The following TENM4 variants were observed in gnomAD, a reference collection of about 807,000 sequenced individuals.
TENM4 encodes teneurin transmembrane protein 4, also known as teneurin-4.
In TENM4, 82 loss-of-function variants were observed where a neutral mutation model predicts 243.3. The observed-to-expected ratio is 0.34, with a 90% CI of 0.28 to 0.40. TENM4 has a LOEUF of 0.40. Among genes scored for constraint, TENM4 ranks in the 10% least tolerant of loss-of-function variants. The pLI, the probability that TENM4 is intolerant of heterozygous loss-of-function variation, is 1.00. For synonymous variants in TENM4, 1,412 were observed against 1,456.3 expected (o/e 0.97, Z 0.69); for missense variants, 3,138 against 3,673.3 (o/e 0.85, Z 3.77).
At chr11:79,286,828 T>C (rs796445832) in intron 2 of TENM4, among the ~76,000 whole-genome samples, 75 of 152,320 alleles carry the variant, frequency 4.9e-4, no homozygotes, top group African/African-American at 1.6e-3. Context: ...TATTACATAA[T>C]TGGGAAATAG....
At chr11:78,983,894 C>A (rs113444091) in intron 6 of TENM4, among the ~76,000 whole-genome samples, 7 of 152,326 alleles carry the variant, frequency 4.6e-5, no homozygotes, top group African/African-American at 1.7e-4. Context: ...GAGCAAATCA[C>A]TAACCCAAAC....
intron 4 of TENM4, among the ~76,000 whole-genome samples, chr11:79,109,984 T>G (rs1302643642): frequency 1.3e-5 from 2 of 152,224 alleles, no homozygotes; most frequent in Non-Finnish European, 2.9e-5. Context: ...TTCCTTTACT[T>G]TCTATCCACC....
chr11:79,269,432 GCCTT>G lies in TENM4; in HGVS notation c.-265+28052_-265+28055del, dbSNP rs943075096. On this transcript the variant is annotated intron_variant, in intron 2 of 33. Transcript: ENST00000278550. ...TGAAGAGAATAAAAACAAAAATAAA[GCCTT>G]CCTACAGACTGTCTCCCAGGGGCTT... 6.3e-4 allele frequency among the ~76,000 whole-genome samples: 96 copies of G among 152,258 alleles called. 2 individuals carry two copies. The highest frequency in any genetic ancestry group is 2.2e-3 in the African/African-American group (93 of 41,560).
chr11:78,976,698 T>C (rs760309102), intron 6 of TENM4, among the ~76,000 whole-genome samples: 15 of 152,178 alleles, frequency 9.9e-5, no homozygotes, highest in African/African-American at 1.4e-4. Context: ...AGTGGACATG[T>C]AGAGAAATGG....
At chr11:79,035,062 T>C (rs1252032668) in intron 6 of TENM4, among the ~76,000 whole-genome samples, 1 of 152,142 alleles carries the variant, frequency 6.6e-6, no homozygotes, top group African/African-American at 2.4e-5. Flanking sequence ...GGCCTTTGAG[T>C]TGGCCTAAAC....
intron 5 of TENM4, among the ~76,000 whole-genome samples, chr11:79,066,827 G>T (rs1310506353): frequency 6.6e-6 from 1 of 152,186 alleles, no homozygotes; most frequent in Non-Finnish European, 1.5e-5. Context: ...ACAAGGAAGC[G>T]GGGAGGAGAG....
At chr11:78,727,324 G>A (rs1191863074) in intron 22 of TENM4, among the ~76,000 whole-genome samples, 1 of 151,886 alleles carries the variant, frequency 6.6e-6, no homozygotes, top group South Asian at 2.1e-4. Context: ...GTGGGCGCCT[G>A]TAGTCCCAGC....
intron 28 of TENM4, among the ~76,000 whole-genome samples, chr11:78,699,130 TAAC>T (rs35532822): frequency 0.063 from 9,493 of 151,838 alleles, 715 homozygotes; most frequent in African/African-American, 0.18. Context: ...TTGCTTGCAT[TAAC>T]AACAACAACA....
chr11:79,424,066 C>G (rs550763605), intron 1 of TENM4, among the ~76,000 whole-genome samples: 28 of 152,312 alleles, frequency 1.8e-4, no homozygotes, highest in African/African-American at 4.8e-4. Context: ...AAAGATGGAA[C>G]TAATACCAAG....
At chr11:79,255,434 A>AT (rs1403075775) in intron 2 of TENM4, among the ~76,000 whole-genome samples, 1 of 152,214 alleles carries the variant, frequency 6.6e-6, no homozygotes, top group Non-Finnish European at 1.5e-5. Context: ...GGCAGAAGAT[A>AT]TTTATACATG....
chr11:79,217,293 C>G (rs199928121), intron 2 of TENM4, among the ~76,000 whole-genome samples: 1 of 152,134 alleles, frequency 6.6e-6, no homozygotes, highest in Non-Finnish European at 1.5e-5. Flanking sequence ...GGTCCCTGTA[C>G]TTTTCCTGCC....
rs117534972 is a variant in TENM4 at position 79,363,005 on chromosome 11, C to T, written c.-320-65462G>A. Among the ~76,000 whole-genome samples the T allele has an allele frequency of 5.5e-3, 832 of 152,256 alleles. 4 individuals carry two copies. The highest frequency in any genetic ancestry group is 8.8e-3 in the Non-Finnish European group (598 of 68,024). On this transcript the variant is annotated intron_variant, in intron 1 of 33. Transcript: ENST00000278550. ...ATTGCCTGACTGGCGATTAGTCTGA[C>T]GTGGATGACAAGCAGATCATTGGAC...
intron 1 of TENM4, among the ~76,000 whole-genome samples, chr11:79,346,526 TACAC>T (rs1356668646): frequency 2.0e-5 from 3 of 152,116 alleles, no homozygotes; most frequent in African/African-American, 7.2e-5. Context: ...TCCCACCACA[TACAC>T]ACGCTTATTC....
At chr11:79,150,843 C>T (rs558083839) in intron 3 of TENM4, among the ~76,000 whole-genome samples, 3 of 152,256 alleles carry the variant, frequency 2.0e-5, no homozygotes, top group South Asian at 2.1e-4. Flanking sequence ...CCATAAACTA[C>T]ACTTTATTAA....
At chr11:79,255,286 A>T (rs986882669) in intron 2 of TENM4, among the ~76,000 whole-genome samples, 4 of 152,228 alleles carry the variant, frequency 2.6e-5, no homozygotes, top group Non-Finnish European at 1.5e-5. Flanking sequence ...CCCAGTGCAC[A>T]GAAGGACCTG....
intron 6 of TENM4, among the ~76,000 whole-genome samples, chr11:78,941,696 T>A (rs1856899133): frequency 6.6e-6 from 1 of 152,138 alleles, no homozygotes; most frequent in African/African-American, 2.4e-5. Flanking sequence ...CCCAGCGTGT[T>A]GTAGAATCCA....
intron 2 of TENM4, among the ~76,000 whole-genome samples, chr11:79,235,109 A>G (rs1055402764): frequency 1.3e-5 from 2 of 151,866 alleles, no homozygotes; most frequent in Admixed American, 6.6e-5. Context: ...GTCAGGAGAT[A>G]GAGACCATCC....
intron 2 of TENM4, among the ~76,000 whole-genome samples, chr11:79,221,458 G>GA (rs1375817199): frequency 0.011 from 1,702 of 149,352 alleles, 31 homozygotes; most frequent in African/African-American, 0.039. Context: ...TTAAAAAGGG[G>GA]GAAAAAAAAA....
chr11:79,085,252 C>A (rs554109523), intron 4 of TENM4, among the ~76,000 whole-genome samples: 3 of 151,726 alleles, frequency 2.0e-5, no homozygotes, highest in Non-Finnish European at 4.4e-5. Flanking sequence ...TGGCGGGCAC[C>A]TGTAGTTCCA....
Sources: gnomAD v4.1 joint callset for allele counts (sites outside exome capture counted in the v4.1 genomes callset) on GRCh38, gnomAD v4.1.1 for gene constraint, MANE v1.5 for transcripts, NCBI Gene and HGNC (gene_info 2026-07-23, HGNC 2026-07-21) for gene names.